Variants in ZBTB1 observed in about 807,000 individuals in gnomAD.
ZBTB1 encodes zinc finger and BTB domain-containing protein 1.
ZBTB1 carries 13 observed loss-of-function variants against 51.6 expected under a neutral mutation model. The ratio of observed to expected loss-of-function variants is 0.25; its 90% CI spans 0.16 to 0.40. The LOEUF (loss-of-function observed/expected upper bound fraction) is 0.40. Ranked by LOEUF, ZBTB1 falls within the 10% of genes least tolerant of loss-of-function variation. The pLI is 1.00. For synonymous variants in ZBTB1, 240 were observed against 282.2 expected (o/e 0.85, Z 1.50); for missense variants, 567 against 856.5 (o/e 0.66, Z 4.22).
chr14:64,526,443 G>A (rs1014144702), downstream of ZBTB1, among the ~76,000 whole-genome samples: 1 of 152,066 alleles, frequency 6.6e-6, no homozygotes, highest in East Asian at 1.9e-4. Flanking sequence ...TGTAACTTAG[G>A]TGTTCAGGTT....
chr14:64,521,449 TA>T, intron 1 of ZBTB1, 37 bp from the exon 2 acceptor site: 1 of 1,492,766 alleles, frequency 6.7e-7, no homozygotes, highest in East Asian at 2.3e-5. Flanking sequence ...AGTGCTTTTC[TA>T]TATCTTGTTT....
At chr14:64,530,017 C>CATA (rs1302366832) in intron 2 of ZBTB1, among the ~76,000 whole-genome samples, 4 of 152,136 alleles carry the variant, frequency 2.6e-5, no homozygotes, top group African/African-American at 7.2e-5. Flanking sequence ...GGAAATGACA[C>CATA]ATAGCTGCAT....
At chr14:64,505,609 T>TA (rs1184723624) in intron 1 of ZBTB1, among the ~76,000 whole-genome samples, 1 of 152,332 alleles carries the variant, frequency 6.6e-6, no homozygotes, top group African/African-American at 2.4e-5. Flanking sequence ...CGGGAGTCGT[T>TA]ACTACTAAAG....
chr14:64,520,065 G>A (rs1179113208), intron 1 of ZBTB1, among the ~76,000 whole-genome samples: 2 of 151,972 alleles, frequency 1.3e-5, no homozygotes, highest in African/African-American at 2.4e-5. Flanking sequence ...GCAGTGGTGC[G>A]ATCTCGGCTC....
At chr14:64,515,742 AT>A (rs1360140836) in intron 1 of ZBTB1, among the ~76,000 whole-genome samples, 1 of 152,018 alleles carries the variant, frequency 6.6e-6, no homozygotes, top group Non-Finnish European at 1.5e-5. Context: ...GGATGGCTCG[AT>A]TTCCTGACCT....
At chr14:64,525,932 G>A (rs1265552950), downstream of ZBTB1, among the ~76,000 whole-genome samples, 2 of 152,076 alleles carry the variant, frequency 1.3e-5, no homozygotes, top group Non-Finnish European at 2.9e-5. Context: ...GCAGTTGTCT[G>A]CCTCAGCCTC....
At chr14:64,518,085 C>T (rs1034526643) in intron 1 of ZBTB1, among the ~76,000 whole-genome samples, 1 of 152,058 alleles carries the variant, frequency 6.6e-6, no homozygotes, top group South Asian at 2.1e-4. Context: ...AATCCGCCCA[C>T]CTTGGCCTCC....
chr14:64,528,947 C>T (rs932594961), downstream of ZBTB1, among the ~76,000 whole-genome samples: 1 of 152,150 alleles, frequency 6.6e-6, no homozygotes, highest in Non-Finnish European at 1.5e-5. Flanking sequence ...AAAGAAGGGC[C>T]TTTTCAGCCT....
Position 64,524,894 on chromosome 14 carries a change from A to T in ZBTB1, c.*1248A>T, listed in dbSNP as rs1414163039. The T allele has an allele frequency of 1.0e-6, 1 of 985,292 alleles. No individual in the cohort carries two copies. Among genetic ancestry groups the T allele is most frequent in the Non-Finnish European group, 1.2e-6 (1 of 829,910 alleles). The allele number at this position is 985,292 out of a possible 1,614,324, so 61.0% of individuals were successfully genotyped here. A position where few individuals can be genotyped will look rare whatever the true frequency, so the allele number is the denominator to read the frequency against. On this transcript the variant is annotated 3_prime_UTR_variant, in exon 2 of 2. Transcript: ENST00000683701. ...GCTGACACAGGGTCTACATAATTAC[A>T]TGTGAATTAAAACATTGGCAAAACT...
chr14:64,525,081 T>G (rs1328724951), downstream of ZBTB1: 1 of 339,428 alleles, frequency 2.9e-6, no homozygotes, highest in Non-Finnish European at 4.2e-6. Context: ...TTTGTTCACA[T>G]CATATTTAAA....
chr14:64,503,726 C>T, upstream of ZBTB1: 1 of 564,248 alleles, frequency 1.8e-6, no homozygotes, highest in South Asian at 7.6e-5. Flanking sequence ...AAGCCGCGCA[C>T]TGCAAGCAGT....
chr14:64,510,535 C>T (rs1279945855), intron 1 of ZBTB1, among the ~76,000 whole-genome samples: 1 of 152,146 alleles, frequency 6.6e-6, no homozygotes, highest in Non-Finnish European at 1.5e-5. Flanking sequence ...CTGGGAGGTT[C>T]AGACCCAAAG....
chr14:64,528,514 C>G (rs2079921446), downstream of ZBTB1, among the ~76,000 whole-genome samples: 1 of 152,028 alleles, frequency 6.6e-6, no homozygotes, highest in Non-Finnish European at 1.5e-5. Context: ...CCAAAAAGCT[C>G]TGGGGGAACA....
Position 64,522,236 on chromosome 14 carries a change from C to T in ZBTB1, c.732C>T (p.Tyr244=), listed in dbSNP as rs369657799. 1.8e-5 allele frequency: 29 copies of T among 1,613,998 alleles called. No individual in the cohort carries two copies. Among genetic ancestry groups the T allele is most frequent in the Non-Finnish European group, 2.4e-5 (28 of 1,180,018 alleles). ...HVLTCTNRHL[Y]QNTRSYHRIV... ...TAACCTGTACTAACAGACATTTATA[C>T]CAAAACACAAGATCTTACCATAGAA... is the stretch of plus-strand genomic sequence containing the variant. The change falls in exon 2 of 2, where the codon TAC becomes TAT. Residue 244 remains tyrosine (Y), a synonymous_variant. Transcript: ENST00000683701.
chr14:64,508,430 A>G (rs1397004679), intron 1 of ZBTB1, among the ~76,000 whole-genome samples: 1 of 152,204 alleles, frequency 6.6e-6, no homozygotes, highest in East Asian at 1.9e-4. Flanking sequence ...TTCCTGCAAG[A>G]TGGAGCAGTA....
chr14:64,515,850 A>C (rs1453850818), intron 1 of ZBTB1, among the ~76,000 whole-genome samples: 1 of 152,168 alleles, frequency 6.6e-6, no homozygotes, highest in Admixed American at 6.5e-5. Context: ...ATTATCTTCA[A>C]GAGATAAGCT....
At chr14:64,519,369 C>T (rs1479339373) in intron 1 of ZBTB1, among the ~76,000 whole-genome samples, 1 of 150,712 alleles carries the variant, frequency 6.6e-6, no homozygotes, top group Non-Finnish European at 1.5e-5. Context: ...AGGCTGGTCT[C>T]GAACTCCTGA....
intron 1 of ZBTB1, among the ~76,000 whole-genome samples, chr14:64,509,107 C>A (rs2079696076): frequency 6.6e-6 from 1 of 152,240 alleles, no homozygotes; most frequent in Admixed American, 6.5e-5. Flanking sequence ...CAATGTCTCT[C>A]ACCTGTAATC....
chr14:64,515,709 A>G (rs948852369), intron 1 of ZBTB1, among the ~76,000 whole-genome samples: 1 of 152,036 alleles, frequency 6.6e-6, no homozygotes, highest in Non-Finnish European at 1.5e-5. Flanking sequence ...TTTAGTAGAG[A>G]CAGGGTTTCA....
Sources: allele counts gnomAD v4.1 joint callset (sites outside exome capture counted in the v4.1 genomes callset), GRCh38; gene constraint gnomAD v4.1.1; transcripts MANE v1.5; gene names NCBI Gene and HGNC (gene_info 2026-07-23, HGNC 2026-07-21).